Variants in TIPRL observed in about 807,000 individuals in gnomAD.
TIPRL encodes TIP41-like protein.
Under a neutral mutation model 32.3 loss-of-function variants are expected in TIPRL, and 10 were observed. The observed-to-expected ratio is 0.31, with a 90% CI of 0.19 to 0.52. The LOEUF (loss-of-function observed/expected upper bound fraction) is 0.52, where lower values mean the gene tolerates loss of function less well. Ranked by LOEUF, TIPRL falls within the 20% of genes least tolerant of loss-of-function variation. The pLI is 0.96. For synonymous variants in TIPRL, 100 were observed against 114.0 expected (o/e 0.88, Z 0.78); for missense variants, 250 against 328.1 (o/e 0.76, Z 1.84).
At chr1:168,191,658 G>A (rs1331908298) in intron 4 of TIPRL, among the ~76,000 whole-genome samples, 158 bp downstream of exon 4, 2 of 151,990 alleles carry the variant, frequency 1.3e-5, no homozygotes, top group African/African-American at 2.4e-5. Context: ...GGATCGCCAG[G>A]TCAGGAGACC....
chr1:168,179,076 C>T lies in TIPRL; in HGVS notation c.-2C>T, dbSNP rs1273888437. ...GTGGCCTCTGCGGGTCCTGCCTCAG[C>T]CATGATGATCCACGGCTTCCAGAGC... is the stretch of plus-strand genomic sequence containing the variant. On this transcript the variant is annotated 5_prime_UTR_variant, in exon 1 of 7. Coordinates refer to ENST00000367833, the MANE Select transcript of TIPRL (RefSeq NM_152902.5). 6.2e-7 allele frequency: 1 copy of T among 1,613,514 alleles called. No homozygotes were observed. The highest frequency in any genetic ancestry group is 1.7e-5 in the Admixed American group (1 of 59,958).
chr1:168,196,018 G>A (rs1700148799), intron 4 of TIPRL, among the ~76,000 whole-genome samples: 1 of 152,198 alleles, frequency 6.6e-6, no homozygotes, highest in Non-Finnish European at 1.5e-5. Flanking sequence ...TTGTAGATGT[G>A]CCACAGATGA....
rs751488353 is a variant in TIPRL at position 168,196,626 on chromosome 1, C to A, written c.596C>A (p.Thr199Lys). The stretch of plus-strand genomic sequence containing the variant: ...GGGGTGCTTATCAGAATGAATGACA[C>A]GAGACTTTACCATGAGGTATTTATT... Reference protein sequence around the residue: ...IDGVLIRMNDTRLYHEADKTY... With the variant: ...IDGVLIRMNDKRLYHEADKTY... The change falls in exon 5 of 7, where the codon ACG becomes AAG. Residue 199 changes from threonine to lysine, a missense_variant. Thr to Lys is a moderately conservative substitution (Grantham distance 78). Transcript: ENST00000367833. The A allele has an allele frequency of 6.3e-7, 1 of 1,595,832 alleles. No homozygotes were observed.
chr1:168,197,377 G>A (rs1700169555), intron 5 of TIPRL, among the ~76,000 whole-genome samples: 1 of 152,032 alleles, frequency 6.6e-6, no homozygotes, highest in East Asian at 1.9e-4. Flanking sequence ...TTGGATTGAT[G>A]CTTTCTAAAC....
chr1:168,198,849 GT>G, intron 5 of TIPRL, 69 bp from the exon 6 acceptor site: 1 of 1,391,314 alleles, frequency 7.2e-7, no homozygotes, highest in African/African-American at 1.4e-5. Context: ...TAGGCAGTCT[GT>G]TTTTAATACA....
At position 168,178,970 on chromosome 1, in the gene TIPRL, G is replaced by T. The variant is rs1045885773; in HGVS notation, c.-108G>T. On this transcript the variant is annotated 5_prime_UTR_variant, in exon 1 of 7. Transcript: ENST00000367833. The stretch of plus-strand genomic sequence containing the variant: ...AGGGGGCGGGGCCGGGCATGGTAAC[G>T]GCTCGGAAGCCTAGGAGGCTGGGCC... 1.5e-5 allele frequency: 15 copies of T among 974,002 alleles called. No homozygotes were observed. In the Admixed American group the frequency reaches 1.9e-4, roughly 13 times the overall value. 60.3% of individuals were successfully genotyped at this position (974,002 alleles called of 1,614,324 possible). A position where few individuals can be genotyped will look rare whatever the true frequency, so the allele number is the denominator to read the frequency against.
chr1:168,184,746 C>A, intron 2 of TIPRL, 33 bp from the exon 3 acceptor site: 1 of 1,370,648 alleles, frequency 7.3e-7, no homozygotes, highest in Non-Finnish European at 1.0e-6. Flanking sequence ...TTCTGCATCA[C>A]TGAATCTGAT....
At chr1:168,184,106 A>T in intron 2 of TIPRL, 25 bp downstream of exon 2, 1 of 1,587,810 alleles carries the variant, frequency 6.3e-7, no homozygotes, top group Non-Finnish European at 8.6e-7. Flanking sequence ...AATTAGGTTA[A>T]ACAAAAAAGG....
intron 2 of TIPRL, among the ~76,000 whole-genome samples, 191 bp from the exon 3 acceptor site, chr1:168,184,588 A>G (rs989928419): frequency 2.6e-5 from 4 of 152,256 alleles, no homozygotes; most frequent in Non-Finnish European, 4.4e-5. Context: ...TGAAAAGACT[A>G]CATCAGTACA....
rs142538908 is a variant in TIPRL at position 168,191,283 on chromosome 1, A to T, written c.385-86A>T. 999 of 1,270,894 alleles carry T rather than the reference A, an allele frequency of 7.9e-4. 10 individuals carry two copies. In the African/African-American group the frequency reaches 0.015, roughly 19 times the overall value. The allele number at this position is 1,270,894 out of a possible 1,614,324, so 78.7% of individuals were successfully genotyped here. A position where few individuals can be genotyped will look rare whatever the true frequency, so the allele number is the denominator to read the frequency against. On this transcript the variant is annotated intron_variant, in intron 3 of 6. Transcript: ENST00000367833. The stretch of plus-strand genomic sequence containing the variant: ...GCTATGTAGAAAAGACTGATTGAAA[A>T]AGAAAAGAAAAGACTGCTTTCCTGT...
intron 1 of TIPRL, among the ~76,000 whole-genome samples, chr1:168,183,571 A>G (rs1699993145): frequency 6.6e-6 from 1 of 152,066 alleles, no homozygotes; most frequent in Non-Finnish European, 1.5e-5. Flanking sequence ...AAGAGACAGT[A>G]TCTTTAATTG....
chr1:168,190,842 AAG>A (rs1700087630), intron 3 of TIPRL, among the ~76,000 whole-genome samples: 1 of 152,222 alleles, frequency 6.6e-6, no homozygotes, highest in Non-Finnish European at 1.5e-5. Flanking sequence ...TTGCAATGCT[AAG>A]AGTTTCCCTC....
rs1007306829 is a variant in TIPRL at position 168,184,867 on chromosome 1, C to T, written c.373C>T (p.Leu125Phe). 2 of 1,601,782 alleles carry T rather than the reference C, an allele frequency of 1.2e-6. No individual in the cohort carries two copies. The highest frequency in any genetic ancestry group is 1.7e-6 in the Non-Finnish European group (2 of 1,170,124). ...TAAGGGAACCTTACTTGGAGAATCT[C>T]TTAAGTTAAAGGTAAATCTTACTTT... ...DYKGTLLGES[L>F]KLKVVPTTDH... Residue 125 changes from leucine (L) to phenylalanine (F), a missense_variant, in exon 3 of 7, where the codon CTT becomes TTT. Transcript: ENST00000367833.
chr1:168,187,060 A>G (rs757958007), intron 3 of TIPRL, among the ~76,000 whole-genome samples: 63 of 152,224 alleles, frequency 4.1e-4, no homozygotes, highest in Non-Finnish European at 7.8e-4. Context: ...CATTCAACAG[A>G]TATTTCTTGA....
intron 4 of TIPRL, among the ~76,000 whole-genome samples, chr1:168,195,265 G>A (rs577936301): frequency 3.4e-4 from 52 of 152,232 alleles, no homozygotes; most frequent in Admixed American, 2.7e-3. Context: ...AGTACTTTTT[G>A]TACATGCAGG....
At chr1:168,192,742 T>C (rs1330724288) in intron 4 of TIPRL, among the ~76,000 whole-genome samples, 2 of 152,042 alleles carry the variant, frequency 1.3e-5, no homozygotes, top group Non-Finnish European at 2.9e-5. Flanking sequence ...AAAAATTAGC[T>C]GGGCGCAGTG....
intron 6 of TIPRL, among the ~76,000 whole-genome samples, chr1:168,199,283 T>C (rs1406894997): frequency 6.6e-6 from 1 of 152,162 alleles, no homozygotes; most frequent in Non-Finnish European, 1.5e-5. Flanking sequence ...TGGTGATGGA[T>C]GTTCTTTACA....
intron 6 of TIPRL, 112 bp downstream of exon 6, chr1:168,199,093 TTCACC>T: frequency 1.4e-6 from 1 of 729,780 alleles, no homozygotes; most frequent in Non-Finnish European, 2.3e-6. Flanking sequence ...AACCCATTCA[TTCACC>T]TAATGGGGCT....
intron 3 of TIPRL, among the ~76,000 whole-genome samples, chr1:168,188,534 A>C (rs562287331): frequency 2.8e-4 from 42 of 152,308 alleles, no homozygotes; most frequent in Admixed American, 9.2e-4. Flanking sequence ...TGTGTCATGA[A>C]ATATTTTTCT....
Sources: allele counts gnomAD v4.1 joint callset (sites outside exome capture counted in the v4.1 genomes callset), GRCh38; gene constraint gnomAD v4.1.1; transcripts MANE v1.5; gene names NCBI Gene and HGNC (gene_info 2026-07-23, HGNC 2026-07-21).